LHFPL2: variants seen among roughly 807,000 people sequenced by gnomAD.
LHFPL2 encodes LHFPL tetraspan subfamily member 2, also known as LHFPL tetraspan subfamily member 2 protein.
LHFPL2 carries 7 observed loss-of-function variants against 17.5 expected under a neutral mutation model. The ratio of observed to expected loss-of-function variants is 0.40; its 90% CI spans 0.23 to 0.75. LHFPL2 has a LOEUF of 0.75. Ranked by LOEUF, LHFPL2 falls within the 30% of genes least tolerant of loss-of-function variation. LHFPL2 has a pLI of 0.37. For synonymous variants in LHFPL2, 134 were observed against 116.2 expected (o/e 1.15, Z -0.99); for missense variants, 241 against 294.8 (o/e 0.82, Z 1.34).
intron 3 of LHFPL2, among the ~76,000 whole-genome samples, chr5:78,541,116 T>C (rs1756099887): frequency 1.3e-5 from 2 of 152,308 alleles, no homozygotes; most frequent in Non-Finnish European, 2.9e-5. Flanking sequence ...AATTAACTGC[T>C]TGATGTATCA....
rs1754250926 is a variant in LHFPL2 at position 78,486,602 on chromosome 5, T to TTTTAACC, written c.*2294_*2295insGGTTAAA. On this transcript the variant is annotated 3_prime_UTR_variant, in exon 5 of 5. Transcript: ENST00000380345. ...ACTATTTACTAAGTCAGTGTTTAGG[T>TTTTAACC]AGTTTTTAGTGGTTTGGGGTTCTGT... 1 of 152,278 alleles carries TTTTAACC rather than the reference T, an allele frequency of 6.6e-6. No homozygotes were observed. 9.4% of individuals were successfully genotyped at this position (152,278 alleles called of 1,614,324 possible).
In LHFPL2 at chr5:78,486,510, A is replaced by T. The variant is rs932782209; in HGVS notation, c.*2387T>A. The T allele has an allele frequency of 6.6e-6, 1 of 152,234 alleles. No individual in the cohort carries two copies. The highest frequency in any genetic ancestry group is 1.5e-5 in the Non-Finnish European group (1 of 68,046). 9.4% of individuals were successfully genotyped at this position (152,234 alleles called of 1,614,324 possible). A position where few individuals can be genotyped will look rare whatever the true frequency, so the allele number is the denominator to read the frequency against. On this transcript the variant is annotated 3_prime_UTR_variant, in exon 5 of 5. Transcript: ENST00000380345. ...GCATGGTTTAGACTAGCATGATTTT[A>T]GATGGTCCTTTCATCCCAAGCCTGG...
At chr5:78,582,302 T>G (rs903563405) in intron 2 of LHFPL2, among the ~76,000 whole-genome samples, 1 of 151,726 alleles carries the variant, frequency 6.6e-6, no homozygotes, top group Admixed American at 6.6e-5. Flanking sequence ...CTGCTCTGAT[T>G]TTAGTTATTT....
intron 2 of LHFPL2, among the ~76,000 whole-genome samples, chr5:78,617,098 C>T (rs563572919): frequency 4.3e-4 from 65 of 152,050 alleles, no homozygotes; most frequent in South Asian, 3.3e-3. Flanking sequence ...GCTCAATCTC[C>T]GCTCACTACA....
chr5:78,619,558 T>A (rs563913360), intron 2 of LHFPL2, among the ~76,000 whole-genome samples: 2,396 of 147,694 alleles, frequency 0.016, 74 homozygotes, highest in African/African-American at 0.057. Context: ...TGTGCAGGTT[T>A]GTTACATATG....
chr5:78,506,449 G>C (rs1754933350), intron 4 of LHFPL2, among the ~76,000 whole-genome samples: 1 of 152,238 alleles, frequency 6.6e-6, no homozygotes, highest in Non-Finnish European at 1.5e-5. Flanking sequence ...ATCCAGGGCT[G>C]AGGGAGAGGG....
chr5:78,646,380 G>C lies in LHFPL2; in HGVS notation c.-350+2119C>G, dbSNP rs565985026. On this transcript the variant is annotated intron_variant, in intron 1 of 4. Transcript: ENST00000380345. ...TTTTTCCTAGGGATTTGGAATACCT[G>C]ATAATCATCAGTAACACTTTCTGAG... Among the ~76,000 whole-genome samples, 22 of 152,304 alleles carry C rather than the reference G, an allele frequency of 1.4e-4. No individual in the cohort carries two copies. The East Asian group carries it at 4.2e-3, about 29-fold the overall frequency.
At chr5:78,498,489 G>A (rs1754676728) in intron 4 of LHFPL2, among the ~76,000 whole-genome samples, 1 of 152,146 alleles carries the variant, frequency 6.6e-6, no homozygotes, top group Admixed American at 6.5e-5. Flanking sequence ...GCTATTTGTA[G>A]GCCACCAACT....
intron 3 of LHFPL2, among the ~76,000 whole-genome samples, chr5:78,511,901 G>A (rs1320456762): frequency 6.6e-6 from 1 of 152,174 alleles, no homozygotes; most frequent in Admixed American, 6.5e-5. Context: ...GCCAAGCACT[G>A]GGTAAGGGAA....
intron 3 of LHFPL2, among the ~76,000 whole-genome samples, chr5:78,554,975 TC>T (rs1756535059): frequency 6.6e-6 from 1 of 152,234 alleles, no homozygotes; most frequent in African/African-American, 2.4e-5. Context: ...CATCATATTT[TC>T]ATCTCAAAAA....
At chr5:78,492,008 T>C (rs1399839058) in intron 4 of LHFPL2, among the ~76,000 whole-genome samples, 4 of 152,228 alleles carry the variant, frequency 2.6e-5, no homozygotes, top group South Asian at 2.1e-4. Flanking sequence ...CTAAGGCCTA[T>C]GATAAACCCC....
At chr5:78,545,222 T>C (rs965546158) in intron 3 of LHFPL2, among the ~76,000 whole-genome samples, 2 of 152,196 alleles carry the variant, frequency 1.3e-5, no homozygotes, top group Non-Finnish European at 2.9e-5. Flanking sequence ...AGATGGCTGA[T>C]ACTTAGCCAC....
intron 1 of LHFPL2, among the ~76,000 whole-genome samples, chr5:78,637,723 C>T (rs143571684): frequency 1.3e-4 from 20 of 152,324 alleles, no homozygotes; most frequent in African/African-American, 2.6e-4. Flanking sequence ...GTGAGCTCCA[C>T]GGGAGTAGCA....
chr5:78,620,736 G>T (rs556983487), intron 2 of LHFPL2, among the ~76,000 whole-genome samples: 1 of 152,306 alleles, frequency 6.6e-6, no homozygotes, highest in East Asian at 1.9e-4. Flanking sequence ...CATGATCAGC[G>T]CAGAACGCTA....
rs117660650 is a variant in LHFPL2, at chr5:78,634,559, G to A, written c.-349-2191C>T. 4.5e-4 allele frequency among the ~76,000 whole-genome samples: 69 copies of A among 152,294 alleles called. 2 individuals carry two copies. In the East Asian group the frequency reaches 0.01, roughly 23 times the overall value. Reference sequence around the variant, plus strand: ...ACCGCCACACCTGCTAGCCCTCAACGATCATGGCTCTTCCACCTGTCTCTC... The same window carrying A: ...ACCGCCACACCTGCTAGCCCTCAACAATCATGGCTCTTCCACCTGTCTCTC... On this transcript the variant is annotated intron_variant, in intron 1 of 4. Transcript: ENST00000380345.
At chr5:78,538,237 CT>C (rs1237585395) in intron 3 of LHFPL2, among the ~76,000 whole-genome samples, 1 of 152,224 alleles carries the variant, frequency 6.6e-6, no homozygotes, top group Non-Finnish European at 1.5e-5. Flanking sequence ...TGCTCCTAGT[CT>C]GTTATTCTGG....
chr5:78,606,017 A>G (rs1744201140), intron 2 of LHFPL2, among the ~76,000 whole-genome samples: 1 of 152,218 alleles, frequency 6.6e-6, no homozygotes, highest in African/African-American at 2.4e-5. Context: ...ACAAAATTAA[A>G]CAGGTGTCAC....
At chr5:78,560,335 CA>C (rs1369910584) in intron 3 of LHFPL2, among the ~76,000 whole-genome samples, 2 of 152,220 alleles carry the variant, frequency 1.3e-5, no homozygotes, top group South Asian at 2.1e-4. Context: ...AGCATCTAGC[CA>C]GCAATCATGC....
chr5:78,511,300 C>T (rs1200459482), intron 3 of LHFPL2, among the ~76,000 whole-genome samples: 3 of 152,216 alleles, frequency 2.0e-5, no homozygotes, highest in African/African-American at 4.8e-5. Flanking sequence ...CACCCCAGGT[C>T]GGGAACTCAA....
Sources: allele counts gnomAD v4.1 joint callset (sites outside exome capture counted in the v4.1 genomes callset), GRCh38; gene constraint gnomAD v4.1.1; transcripts MANE v1.5; gene names NCBI Gene and HGNC (gene_info 2026-07-23, HGNC 2026-07-21).